SPAG16: variants seen among roughly 807,000 people sequenced by gnomAD.
SPAG16 encodes sperm-associated antigen 16 protein.
Under a neutral mutation model 80.4 loss-of-function variants are expected in SPAG16, and 86 were observed. The observed-to-expected ratio is 1.07, with a 90% CI of 0.90 to 1.28. The LOEUF (loss-of-function observed/expected upper bound fraction) is 1.28, where lower values mean the gene tolerates loss of function less well. Ranked by LOEUF, SPAG16 falls within the 50% of genes most tolerant of loss-of-function variation. The probability of loss-of-function intolerance (pLI) is 0.00; values close to 1 mark genes in which losing one functional copy is unlikely to be tolerated. For synonymous variants in SPAG16, 294 were observed against 265.9 expected, an observed-to-expected ratio of 1.11 and a Z score of -1.03; for missense variants, 870 against 765.3, an observed-to-expected ratio of 1.14 and a Z score of -1.61.
chr2:213,774,128 G>C (rs757514218), intron 10 of SPAG16, among the ~76,000 whole-genome samples: 32 of 152,052 alleles, frequency 2.1e-4, no homozygotes, highest in Non-Finnish European at 4.3e-4. Flanking sequence ...CTAATATCTG[G>C]GATATCTTTT....
chr2:213,885,822 A>G (rs1210685626), intron 11 of SPAG16, among the ~76,000 whole-genome samples: 1 of 152,180 alleles, frequency 6.6e-6, no homozygotes, highest in Non-Finnish European at 1.5e-5. Context: ...CTGTCATGTG[A>G]TTCAGACCCT....
chr2:213,988,095 T>C (rs919254992), intron 12 of SPAG16, among the ~76,000 whole-genome samples: 2 of 151,832 alleles, frequency 1.3e-5, no homozygotes, highest in African/African-American at 2.4e-5. Flanking sequence ...AAATAATTAG[T>C]GAGATAACTG....
intron 9 of SPAG16, among the ~76,000 whole-genome samples, chr2:213,446,819 A>G (rs1445700249): frequency 6.6e-6 from 1 of 152,176 alleles, no homozygotes; most frequent in Non-Finnish European, 1.5e-5. Context: ...ACTATGGGTT[A>G]TAAATACCCT....
chr2:213,438,295 A>C (rs541417916), intron 9 of SPAG16, among the ~76,000 whole-genome samples: 1 of 152,330 alleles, frequency 6.6e-6, no homozygotes, highest in South Asian at 2.1e-4. Context: ...GTCATGTGCC[A>C]ATTTTTGAAA....
chr2:214,146,412 T>A (rs960921013), intron 14 of SPAG16, among the ~76,000 whole-genome samples: 1 of 152,216 alleles, frequency 6.6e-6, no homozygotes. Flanking sequence ...GCCTCTTCCA[T>A]TGCTTTCTGT....
intron 15 of SPAG16, among the ~76,000 whole-genome samples, chr2:214,387,367 A>G (rs1217793320): frequency 6.6e-6 from 1 of 152,234 alleles, no homozygotes; most frequent in Non-Finnish European, 1.5e-5. Flanking sequence ...TTGATCCATC[A>G]GGAACCTGAA....
At chr2:214,262,644 G>T (rs1407706592) in intron 15 of SPAG16, among the ~76,000 whole-genome samples, 1 of 151,880 alleles carries the variant, frequency 6.6e-6, no homozygotes, top group East Asian at 1.9e-4. Context: ...TATTTTTTCT[G>T]TATCCTTCAT....
chr2:213,857,075 C>A (rs112126451), intron 10 of SPAG16, among the ~76,000 whole-genome samples: 2,378 of 152,134 alleles, frequency 0.016, 25 homozygotes, highest in Middle Eastern at 0.065. Flanking sequence ...ATCAAAAATA[C>A]AAAAACTAGC....
At chr2:213,880,442 T>C (rs961302868) in intron 11 of SPAG16, among the ~76,000 whole-genome samples, 3 of 152,226 alleles carry the variant, frequency 2.0e-5, no homozygotes, top group African/African-American at 7.2e-5. Flanking sequence ...GTTTACTCTG[T>C]TGATACTTTC....
chr2:213,628,387 G>C (rs993872606), intron 10 of SPAG16, among the ~76,000 whole-genome samples: 1 of 152,112 alleles, frequency 6.6e-6, no homozygotes, highest in Non-Finnish European at 1.5e-5. Context: ...TAAAATTACA[G>C]CTGGTCCTTT....
At chr2:213,292,520 C>T (rs60054966) in intron 1 of SPAG16, among the ~76,000 whole-genome samples, 12 of 150,700 alleles carry the variant, frequency 8.0e-5, no homozygotes, top group Admixed American at 2.0e-4. Flanking sequence ...AAAAATTAGC[C>T]GGGCGTAGTG....
chr2:214,171,317 T>G (rs987792336), intron 15 of SPAG16, among the ~76,000 whole-genome samples: 1 of 151,898 alleles, frequency 6.6e-6, no homozygotes, highest in African/African-American at 2.4e-5. Context: ...AAATAGATAG[T>G]TTATGGGTGC....
At chr2:213,685,852 G>A (rs2064639500) in intron 10 of SPAG16, among the ~76,000 whole-genome samples, 1 of 152,090 alleles carries the variant, frequency 6.6e-6, no homozygotes, top group Non-Finnish European at 1.5e-5. Context: ...CAAAAACTCA[G>A]GCTTACTCAA....
At position 213,501,802 on chromosome 2, in the gene SPAG16, T is replaced by C. The variant is rs529554046; in HGVS notation, c.1070+11712T>C. 1.5e-3 allele frequency among the ~76,000 whole-genome samples: 232 copies of C among 152,352 alleles called. 1 individual carries two copies. The highest frequency in any genetic ancestry group is 4.6e-3 in the Admixed American group (71 of 15,308). On this transcript the variant is annotated intron_variant, in intron 10 of 15. Coordinates refer to ENST00000331683, the MANE Select transcript of SPAG16 (RefSeq NM_024532.5). Reference sequence around the variant, plus strand: ...AAAAATAGATATTGGACTTACTATATACTAAAGCTTAGTTGTTCTAGAAAA... The same window carrying C: ...AAAAATAGATATTGGACTTACTATACACTAAAGCTTAGTTGTTCTAGAAAA...
chr2:213,833,463 TA>T lies in SPAG16; in HGVS notation c.1071-29021del. Among the ~76,000 whole-genome samples the T allele has an allele frequency of 5.2e-4, 10 of 19,128 alleles. 4 individuals are homozygous for T. In the South Asian group the frequency reaches 7.4e-3, roughly 14 times the overall value. 12.5% of individuals were successfully genotyped at this position (19,128 alleles called of 152,430 possible). ...TGTGTATATATATATATTATATATA[TA>T]TTATATATAATAATATATATATTAT... On this transcript the variant is annotated intron_variant, in intron 10 of 15. Transcript: ENST00000331683.
At position 214,080,455 on chromosome 2, in the gene SPAG16, A is replaced by G. The variant is rs1033585969; in HGVS notation, c.1528-27741A>G. On this transcript the variant is annotated intron_variant, in intron 13 of 15. Coordinates refer to ENST00000331683, the MANE Select transcript of SPAG16 (RefSeq NM_024532.5). ...CTACTAAAAATACAAAAAAAAAAAA[A>G]AAATTAGCCGGGCGTGGTGGTGGGC... 4.4e-3 allele frequency among the ~76,000 whole-genome samples: 666 copies of G among 151,462 alleles called. 5 individuals are homozygous for G. The highest frequency in any genetic ancestry group is 0.015 in the African/African-American group (638 of 41,370).
At position 214,367,740 on chromosome 2, in the gene SPAG16, C is replaced by T. The variant is rs570373481; in HGVS notation, c.1721-42400C>T. Among the ~76,000 whole-genome samples the T allele has an allele frequency of 3.3e-5, 5 of 152,220 alleles. No individual in the cohort carries two copies. In the South Asian group the frequency reaches 1.0e-3, roughly 32 times the overall value. ...CTCCCAACTCTCTCATGCCCTTTTT[C>T]CCTACCACTTGTCCAGTGTGACACA... On this transcript the variant is annotated intron_variant, in intron 15 of 15. Transcript: ENST00000331683.
chr2:213,494,590 A>C (rs1407073686), intron 10 of SPAG16, among the ~76,000 whole-genome samples: 2 of 152,190 alleles, frequency 1.3e-5, no homozygotes, highest in Non-Finnish European at 2.9e-5. Flanking sequence ...ATACTCTTGC[A>C]AAAGCCTCCT....
chr2:213,409,433 C>T (rs530903114), intron 9 of SPAG16, among the ~76,000 whole-genome samples: 25 of 152,142 alleles, frequency 1.6e-4, no homozygotes, highest in African/African-American at 4.8e-4. Flanking sequence ...AGTTGTAAAA[C>T]GTTAATTGTA....
Sources: allele counts gnomAD v4.1 joint callset (sites outside exome capture counted in the v4.1 genomes callset), GRCh38; gene constraint gnomAD v4.1.1; transcripts MANE v1.5; gene names NCBI Gene and HGNC (gene_info 2026-07-23, HGNC 2026-07-21).